CTNND2: variants seen among roughly 807,000 people sequenced by gnomAD.
CTNND2 encodes the protein catenin delta-2.
In CTNND2, 22 loss-of-function variants were observed where a neutral mutation model predicts 144.4. That is an observed-to-expected ratio of 0.15 (90% CI 0.11 to 0.22). CTNND2 has a LOEUF of 0.22. Ranked by LOEUF, CTNND2 falls within the 10% of genes least tolerant of loss-of-function variation. The pLI, the probability that CTNND2 is intolerant of heterozygous loss-of-function variation, is 1.00. For missense variants in CTNND2, 1,353 were observed against 1,618.8 expected (o/e 0.84, Z 2.82); for synonymous variants, 751 against 695.6 (o/e 1.08, Z -1.25).
intron 3 of CTNND2, among the ~76,000 whole-genome samples, chr5:11,443,021 T>C (rs1764415888): frequency 6.7e-6 from 1 of 149,684 alleles, no homozygotes; most frequent in South Asian, 2.1e-4. Context: ...TATATTGGTT[T>C]CTATTGGCAT....
chr5:11,558,568 C>T (rs900068450), intron 3 of CTNND2, among the ~76,000 whole-genome samples: 1 of 152,122 alleles, frequency 6.6e-6, no homozygotes, highest in East Asian at 1.9e-4. Context: ...TGGAGTTTCA[C>T]CATGTTGCCC....
In CTNND2 at chr5:10,973,476, C is replaced by A; in HGVS notation, c.3655G>T (p.Ala1219Ser). 1 of 1,601,588 alleles carries A rather than the reference C, an allele frequency of 6.2e-7. No individual in the cohort carries two copies. The highest frequency in any genetic ancestry group is 8.5e-7 in the Non-Finnish European group (1 of 1,172,052). The change falls in exon 22 of 22, where the codon GCC becomes TCC. Residue 1219 changes from alanine to serine, a missense_variant. Ala to Ser is a moderately conservative substitution (Grantham distance 99). This residue lies in a region of CTNND2 where 459 missense variants were observed against 674.3 expected (regional missense o/e 0.68). Transcript: ENST00000304623. The surrounding 1 kb of genome is among the most constrained non-coding windows in gnomAD (Gnocchi z 5.6). ...ELNYETSHYPASPDSWV is the reference protein window; with the variant it reads ...ELNYETSHYPSSPDSWV ...CCTCACACCCAGGAGTCGGGGGAGG[C>A]CGGGTAGTGGCTCGTTTCATAGTTC... is the stretch of plus-strand genomic sequence containing the variant.
At chr5:11,684,649 T>C (rs1351491923) in intron 2 of CTNND2, among the ~76,000 whole-genome samples, 3 of 152,198 alleles carry the variant, frequency 2.0e-5, no homozygotes, top group Non-Finnish European at 2.9e-5. Flanking sequence ...TCCCACCTTC[T>C]TAATTCCTAA....
chr5:11,034,717 A>G (rs1428627981), intron 16 of CTNND2, among the ~76,000 whole-genome samples: 1 of 152,106 alleles, frequency 6.6e-6, no homozygotes, highest in Non-Finnish European at 1.5e-5. Context: ...ATGGTTTCAA[A>G]GTTATAACTC....
At chr5:11,230,868 ACT>A (rs1740924700) in intron 10 of CTNND2, among the ~76,000 whole-genome samples, 1 of 152,094 alleles carries the variant, frequency 6.6e-6, no homozygotes, top group Non-Finnish European at 1.5e-5. Flanking sequence ...TGGAATTCAA[ACT>A]CTGCCTTAGT....
At chr5:10,994,569 G>T (rs565590939) in intron 18 of CTNND2, among the ~76,000 whole-genome samples, 2 of 152,166 alleles carry the variant, frequency 1.3e-5, no homozygotes, top group East Asian at 3.9e-4. Flanking sequence ...GCTGTCGGGA[G>T]CCTTAACGTT....
chr5:11,241,938 C>T (rs935207586), intron 9 of CTNND2, among the ~76,000 whole-genome samples: 14 of 138,798 alleles, frequency 1.0e-4, no homozygotes, highest in African/African-American at 3.6e-4. Flanking sequence ...GGTGGGGGGT[C>T]GGTTATTTGG....
intron 1 of CTNND2, among the ~76,000 whole-genome samples, chr5:11,838,001 C>A (rs1273550292): frequency 6.6e-6 from 1 of 152,190 alleles, no homozygotes; most frequent in Admixed American, 6.5e-5. Flanking sequence ...CAGCATGGGG[C>A]ATCACCAGGC....
rs1188006398 is a variant in CTNND2, at chr5:11,669,851, ATTT to A, written c.174+62282_174+62284del. Among the ~76,000 whole-genome samples, 24 of 152,060 alleles carry A rather than the reference ATTT, an allele frequency of 1.6e-4. No individual in the cohort carries two copies. The East Asian group carries it at 4.5e-3, about 28-fold the overall frequency. ...TTGTAATTGTGATGTTAGGGAGTTG[ATTT>A]TAGATCTTTCCTGCTTTCTCTTGTG... On this transcript the variant is annotated intron_variant, in intron 2 of 21. Coordinates refer to ENST00000304623, the MANE Select transcript of CTNND2 (RefSeq NM_001332.4).
intron 3 of CTNND2, among the ~76,000 whole-genome samples, chr5:11,542,458 T>C (rs1774849914): frequency 6.6e-6 from 1 of 152,210 alleles, no homozygotes. Context: ...GTTGGTGATA[T>C]ATAGCAGCCA....
intron 16 of CTNND2, among the ~76,000 whole-genome samples, chr5:11,081,305 G>A (rs1272304636): frequency 6.6e-6 from 1 of 152,134 alleles, no homozygotes; most frequent in African/African-American, 2.4e-5. Flanking sequence ...AAATTGCTAA[G>A]AGTAAATTTT....
chr5:11,200,922 G>GCCCC (rs34134522), intron 10 of CTNND2, among the ~76,000 whole-genome samples: 2 of 152,010 alleles, frequency 1.3e-5, no homozygotes, highest in African/African-American at 4.8e-5. Context: ...CTCGTGATCC[G>GCCCC]CCCGCCTCAG....
chr5:11,447,748 C>T (rs1353767210), intron 3 of CTNND2, among the ~76,000 whole-genome samples: 12 of 152,142 alleles, frequency 7.9e-5, no homozygotes, highest in African/African-American at 2.4e-4. Flanking sequence ...AAGTGCATTG[C>T]TATTTCAACA....
chr5:11,794,993 T>A (rs1393847118), intron 1 of CTNND2, among the ~76,000 whole-genome samples: 1 of 152,236 alleles, frequency 6.6e-6, no homozygotes, highest in Non-Finnish European at 1.5e-5. Context: ...TATTTTCCCA[T>A]GTATTTTTTA....
chr5:11,686,232 T>C (rs943140055), intron 2 of CTNND2, among the ~76,000 whole-genome samples: 22 of 150,972 alleles, frequency 1.5e-4, no homozygotes, highest in African/African-American at 4.9e-4. Context: ...AGAAAAAATA[T>C]ATATTTAAGG....
At chr5:11,662,193 ATG>A (rs201526442) in intron 2 of CTNND2, among the ~76,000 whole-genome samples, 2 of 138,794 alleles carry the variant, frequency 1.4e-5, no homozygotes, top group Non-Finnish European at 3.1e-5. Context: ...ATGTGTATAT[ATG>A]TGTATATATG....
chr5:11,751,395 C>A (rs189872199), intron 1 of CTNND2, among the ~76,000 whole-genome samples: 1 of 151,882 alleles, frequency 6.6e-6, no homozygotes, highest in African/African-American at 2.4e-5. Context: ...CCACCCTACA[C>A]CCTCAAATAG....
At chr5:11,678,895 A>G (rs1784301594) in intron 2 of CTNND2, among the ~76,000 whole-genome samples, 1 of 151,064 alleles carries the variant, frequency 6.6e-6, no homozygotes, top group Admixed American at 6.6e-5. Context: ...TTTGCCACCC[A>G]CTCCACATCT....
Position 11,114,932 on chromosome 5 carries a change from G to A in CTNND2, c.2277+2518C>T, listed in dbSNP as rs560711425. 3.3e-5 allele frequency among the ~76,000 whole-genome samples: 5 copies of A among 151,972 alleles called. No homozygotes were observed. The South Asian group carries it at 8.3e-4, about 25-fold the overall frequency. On this transcript the variant is annotated intron_variant, in intron 13 of 21. Transcript: ENST00000304623. ...CCAATAGCACAATCCAGCCAGTGAA[G>A]CACCTGCTGAGTAACATCACATCTG...
Sources: allele counts gnomAD v4.1 joint callset (sites outside exome capture counted in the v4.1 genomes callset), GRCh38; gene constraint gnomAD v4.1.1; regional missense constraint gnomAD v4.1.1; non-coding constraint Gnocchi (gnomAD v3.1); transcripts MANE v1.5; gene names NCBI Gene and HGNC (gene_info 2026-07-23, HGNC 2026-07-21).